Variants in PXDN observed in about 807,000 individuals in gnomAD.
PXDN encodes peroxidasin.
PXDN carries 77 observed loss-of-function variants against 140.3 expected under a neutral mutation model. The ratio of observed to expected loss-of-function variants is 0.55; its 90% confidence interval spans 0.46 to 0.66. PXDN has a LOEUF of 0.66. PXDN is among the 30% of genes least tolerant of loss of function. The pLI is 0.00. For synonymous variants in PXDN, 911 were observed against 857.4 expected, an observed-to-expected ratio of 1.06 and a Z score of -1.09; for missense variants, 1,838 against 2,039.5, an observed-to-expected ratio of 0.90 and a Z score of 1.90.
chr2:1,662,644 T>C (rs1166080923), intron 12 of PXDN, among the ~76,000 whole-genome samples: 1 of 152,118 alleles, frequency 6.6e-6, no homozygotes, highest in Non-Finnish European at 1.5e-5. Context: ...CGTGGCTGAG[T>C]GCTGGGATCT....
chr2:1,645,001 C>T (rs1682818639), intron 17 of PXDN, among the ~76,000 whole-genome samples: 1 of 151,904 alleles, frequency 6.6e-6, no homozygotes, highest in Non-Finnish European at 1.5e-5. Flanking sequence ...TTAGAAAAGC[C>T]AAGAAAAGAT....
At chr2:1,722,181 C>A (rs1685069336) in intron 1 of PXDN, among the ~76,000 whole-genome samples, 1 of 152,154 alleles carries the variant, frequency 6.6e-6, no homozygotes, top group Non-Finnish European at 1.5e-5. Context: ...CAAAATAGAA[C>A]ATGTAAGAAG....
intron 21 of PXDN, 140 bp downstream of exon 21, chr2:1,638,706 C>G (rs1682634298): frequency 5.2e-6 from 7 of 1,343,278 alleles, no homozygotes; most frequent in Non-Finnish European, 7.2e-6. Flanking sequence ...AAATGACACC[C>G]CCAAGGCTCC....
At chr2:1,713,489 G>A (rs913608659) in intron 1 of PXDN, among the ~76,000 whole-genome samples, 1 of 152,198 alleles carries the variant, frequency 6.6e-6, no homozygotes, top group Non-Finnish European at 1.5e-5. Context: ...TCCTGCGGGT[G>A]ACTGCAGGCT....
intron 16 of PXDN, 97 bp downstream of exon 16, chr2:1,653,531 A>T (rs1171676314): frequency 6.7e-7 from 1 of 1,482,126 alleles, no homozygotes; most frequent in East Asian, 2.4e-5. Flanking sequence ...TGGGAAAGAA[A>T]ATGCTGGAAC....
Position 1,639,191 on chromosome 2 carries a change from T to A in PXDN, c.4073+111A>T, listed in dbSNP as rs903041842. On this transcript the variant is annotated intron_variant, in intron 20 of 22. Transcript: ENST00000252804. The surrounding 1 kb of genome is among the most constrained non-coding windows in gnomAD (Gnocchi z 5.0). ...GGCCCCCAGTGCCCTGGGACGTCCC[T>A]GCCAGGAACCATCCTCGCCACAGGC... is the stretch of plus-strand genomic sequence containing the variant. 6.6e-7 allele frequency: 1 copy of A among 1,511,398 alleles called. No individual in the cohort carries two copies. Among genetic ancestry groups the A allele is most frequent in the Non-Finnish European group, 8.9e-7 (1 of 1,122,638 alleles). 93.6% of individuals were successfully genotyped at this position (1,511,398 alleles called of 1,614,324 possible).
At chr2:1,645,441 C>T (rs1418127285) in intron 17 of PXDN, among the ~76,000 whole-genome samples, 2 of 152,240 alleles carry the variant, frequency 1.3e-5, no homozygotes, top group South Asian at 2.1e-4. Flanking sequence ...AAGCTCTACT[C>T]GATTTTTAAC....
At chr2:1,722,683 G>C (rs541720715) in intron 1 of PXDN, among the ~76,000 whole-genome samples, 34 of 152,328 alleles carry the variant, frequency 2.2e-4, no homozygotes, top group Non-Finnish European at 3.8e-4. Context: ...CTACAGGTGG[G>C]GCTCCTTCCA....
chr2:1,680,181 C>CG lies in PXDN; in HGVS notation c.730+11dup. On this transcript the variant is annotated intron_variant, in intron 7 of 22. Coordinates refer to ENST00000252804, the MANE Select transcript of PXDN (RefSeq NM_012293.3). ...GAGTGTGTGGATGGTGTGTGCGTGT[C>CG]GGGCCACTCACCACAGTTCAGCTCT... 6.5e-7 allele frequency: 1 copy of CG among 1,544,400 alleles called. No individual in the cohort carries two copies. The highest frequency in any genetic ancestry group is 1.2e-5 in the South Asian group (1 of 83,530).
chr2:1,656,406 CT>C (rs1558493261), intron 14 of PXDN, among the ~76,000 whole-genome samples: 1 of 152,226 alleles, frequency 6.6e-6, no homozygotes, highest in African/African-American at 2.4e-5. Flanking sequence ...CATACGCAAT[CT>C]TTTGACAGAC....
chr2:1,738,100 C>G (rs949383462), intron 1 of PXDN, among the ~76,000 whole-genome samples: 2 of 151,874 alleles, frequency 1.3e-5, no homozygotes, highest in South Asian at 4.1e-4. Context: ...ATGTCCTGAT[C>G]GGCTATTTAA....
intron 8 of PXDN, among the ~76,000 whole-genome samples, chr2:1,675,256 C>G (rs763625976): frequency 6.6e-6 from 1 of 152,158 alleles, no homozygotes; most frequent in South Asian, 2.1e-4. Context: ...AGGTGAGACT[C>G]GAGCTGGTGG....
At position 1,676,713 on chromosome 2, in the gene PXDN, G is replaced by C. The variant is rs889731266; in HGVS notation, c.848+214C>G. 4 of 608,550 alleles carry C rather than the reference G, an allele frequency of 6.6e-6. No homozygotes were observed. In the African/African-American group the frequency reaches 7.4e-5, roughly 11 times the overall value. The allele number at this position is 608,550 out of a possible 1,614,324, so 37.7% of individuals were successfully genotyped here. A position where few individuals can be genotyped will look rare whatever the true frequency, so the allele number is the denominator to read the frequency against. ...GGGCACCCCTGTGCTGCCCAGGAGA[G>C]AGTGGGGAAGGGGCCCCAGCCTGGC... On this transcript the variant is annotated intron_variant, in intron 8 of 22. Transcript: ENST00000252804.
At chr2:1,727,633 T>C (rs4853842) in intron 1 of PXDN, among the ~76,000 whole-genome samples, 56,962 of 151,876 alleles carry the variant, frequency 0.38, 11,992 homozygotes, top group Admixed American at 0.49. Context: ...TTCCCATCCC[T>C]CTCAAGAACA....
In PXDN at chr2:1,638,855, G is replaced by A; in HGVS notation, c.4197C>T (p.Leu1399=). ...CCGCCAGGCACCTCACCTGTGTTCT[G>A]AGGTCTGTGATGGTCTTCTGCATTT... ...VLEMQKTITD[L]RTQIKKLESR... is the part of the protein sequence containing the mutation. The change falls in exon 21 of 23, where the codon CTC becomes CTT. Residue 1399 remains leucine, a synonymous_variant. Coordinates refer to ENST00000252804, the MANE Select transcript of PXDN (RefSeq NM_012293.3). 6.2e-7 allele frequency: 1 copy of A among 1,613,990 alleles called. No individual in the cohort carries two copies. Among genetic ancestry groups the A allele is most frequent in the Non-Finnish European group, 8.5e-7 (1 of 1,179,884 alleles).
intron 17 of PXDN, 45 bp from the exon 18 acceptor site, chr2:1,644,797 C>T (rs781647663): frequency 7.6e-5 from 105 of 1,376,328 alleles, no homozygotes; most frequent in Middle Eastern, 5.8e-4. Flanking sequence ...CAAAGCTGCA[C>T]GTGGTAAAAA....
chr2:1,687,362 C>G lies in PXDN; in HGVS notation c.416+270G>C, dbSNP rs1684084705. 6.6e-6 allele frequency among the ~76,000 whole-genome samples: 1 copy of G among 151,950 alleles called. No homozygotes were observed. Among genetic ancestry groups the G allele is most frequent in the South Asian group, 2.1e-4 (1 of 4,806 alleles). ...CCATCGATATTACTGTCCTTGGTGT[C>G]AGGAAAGCATGGCCCAGGGCCTGGT... On this transcript the variant is annotated intron_variant, in intron 4 of 22. Coordinates refer to ENST00000252804, the MANE Select transcript of PXDN (RefSeq NM_012293.3). The surrounding 1 kb of genome is among the most constrained non-coding windows in gnomAD (Gnocchi z 4.0).
rs755253296 is a variant in PXDN at position 1,676,893 on chromosome 2, T to C, written c.848+34A>G. 5.1e-6 allele frequency: 8 copies of C among 1,577,962 alleles called. 1 individual carries two copies. In the South Asian group the frequency reaches 8.1e-5, roughly 16 times the overall value. On this transcript the variant is annotated intron_variant, in intron 8 of 22. Coordinates refer to ENST00000252804, the MANE Select transcript of PXDN (RefSeq NM_012293.3). The stretch of plus-strand genomic sequence containing the variant: ...GGTGTCTGAGTGTAACTCCGAGAGA[T>C]GCACAGGGGCATTTCTGTTTGGCCC...
chr2:1,642,047 G>A (rs1013546820), intron 19 of PXDN, among the ~76,000 whole-genome samples: 2 of 152,160 alleles, frequency 1.3e-5, no homozygotes, highest in African/African-American at 4.8e-5. Context: ...GTTTCCAACA[G>A]ATGTAATAAC....
Sources: allele counts gnomAD v4.1 joint callset (sites outside exome capture counted in the v4.1 genomes callset), GRCh38; gene constraint gnomAD v4.1.1; non-coding constraint Gnocchi (gnomAD v3.1); transcripts MANE v1.5; gene names NCBI Gene and HGNC (gene_info 2026-07-23, HGNC 2026-07-21).